The following EPB41L5 variants were observed in gnomAD, a reference collection of about 807,000 sequenced individuals.
EPB41L5 encodes the protein erythrocyte membrane protein band 4.1 like 5.
Under a neutral mutation model 106.6 loss-of-function variants are expected in EPB41L5, and 55 were observed. The observed-to-expected ratio is 0.52, with a 90% confidence interval of 0.42 to 0.65. The LOEUF is 0.65. Ranked by LOEUF, EPB41L5 falls within the 30% of genes least tolerant of loss-of-function variation. The pLI, the probability that EPB41L5 is intolerant of heterozygous loss-of-function variation, is 0.00. For synonymous variants in EPB41L5, 297 were observed against 306.7 expected, an observed-to-expected ratio of 0.97 and a Z score of 0.33; for missense variants, 871 against 882.1, an observed-to-expected ratio of 0.99 and a Z score of 0.16.
At chr2:120,154,912 C>T (rs1286373808) in intron 20 of EPB41L5, among the ~76,000 whole-genome samples, 2 of 151,800 alleles carry the variant, frequency 1.3e-5, no homozygotes, top group East Asian at 3.9e-4. Context: ...GGCGACAGAG[C>T]AAGACTCCAT....
intron 16 of EPB41L5, among the ~76,000 whole-genome samples, chr2:120,111,956 G>A (rs1684747052): frequency 6.6e-6 from 1 of 152,044 alleles, no homozygotes; most frequent in East Asian, 1.9e-4. Context: ...CAGGATCTTT[G>A]TACTTTTACT....
chr2:120,118,131 T>C (rs1340617928), intron 16 of EPB41L5, among the ~76,000 whole-genome samples: 2 of 152,170 alleles, frequency 1.3e-5, no homozygotes, highest in Non-Finnish European at 2.9e-5. Flanking sequence ...CAGCACTGTA[T>C]GGGTTAATTT....
chr2:120,080,000 A>C (rs1162817862), intron 10 of EPB41L5, among the ~76,000 whole-genome samples: 1 of 152,200 alleles, frequency 6.6e-6, no homozygotes, highest in South Asian at 2.1e-4. Context: ...TTGAATGCTT[A>C]AATGCCTTAA....
At chr2:120,173,945 C>T (rs140755028) in intron 24 of EPB41L5, among the ~76,000 whole-genome samples, 1 of 152,336 alleles carries the variant, frequency 6.6e-6, no homozygotes, top group East Asian at 1.9e-4. Context: ...TCACTAAGTG[C>T]TGGGATTGCA....
In EPB41L5 at chr2:120,090,522, T is replaced by C. The variant is rs1683339067; in HGVS notation, c.1043+6T>C. 3 of 1,605,702 alleles carry C rather than the reference T, an allele frequency of 1.9e-6. No homozygotes were observed. The Admixed American group carries it at 5.2e-5, about 28-fold the overall frequency. On this transcript the variant is annotated splice_donor_region_variant and intron_variant, in intron 12 of 24. Transcript: ENST00000263713. Reference sequence around the variant, plus strand: ...GGATCACGATTTAGATATAGGTTAATTTTAATTGCTGTTTTATCTGTCTTT... The same window carrying C: ...GGATCACGATTTAGATATAGGTTAACTTTAATTGCTGTTTTATCTGTCTTT...
intron 17 of EPB41L5, among the ~76,000 whole-genome samples, chr2:120,129,023 G>T (rs992248160): frequency 6.6e-6 from 1 of 152,144 alleles, no homozygotes; most frequent in African/African-American, 2.4e-5. Flanking sequence ...AGACACTGAG[G>T]ATTCCTAAAG....
intron 16 of EPB41L5, among the ~76,000 whole-genome samples, chr2:120,125,950 A>G (rs1375555110): frequency 6.6e-6 from 1 of 152,090 alleles, no homozygotes; most frequent in Non-Finnish European, 1.5e-5. Context: ...GTTTGCTGGC[A>G]GTCTTTGGTG....
chr2:120,052,617 G>A (rs1387955346), intron 3 of EPB41L5, among the ~76,000 whole-genome samples: 2 of 152,122 alleles, frequency 1.3e-5, no homozygotes, highest in African/African-American at 4.8e-5. Flanking sequence ...TCCCACGTAT[G>A]GTCAATGGGA....
chr2:120,051,933 T>A (rs1680316552), intron 3 of EPB41L5, among the ~76,000 whole-genome samples: 1 of 152,160 alleles, frequency 6.6e-6, no homozygotes, highest in Non-Finnish European at 1.5e-5. Context: ...TTCAAGTGAT[T>A]CTTCTGCTTC....
chr2:120,051,436 G>A (rs1177025786), intron 3 of EPB41L5, among the ~76,000 whole-genome samples: 6 of 152,208 alleles, frequency 3.9e-5, no homozygotes, highest in Admixed American at 2.6e-4. Flanking sequence ...GGATCTGTGA[G>A]CGTGGGACCC....
intron 16 of EPB41L5, among the ~76,000 whole-genome samples, chr2:120,112,700 T>G (rs1399831176): frequency 6.6e-6 from 1 of 152,184 alleles, no homozygotes; most frequent in African/African-American, 2.4e-5. Context: ...CCAGGAATGA[T>G]GAATCAGGTT....
intron 14 of EPB41L5, among the ~76,000 whole-genome samples, chr2:120,099,341 T>C (rs1394290812): frequency 6.9e-6 from 1 of 144,976 alleles, no homozygotes; most frequent in African/African-American, 2.5e-5. Flanking sequence ...CTGTAGTTTC[T>C]GGGTTTTTTT....
At chr2:120,050,473 A>G (rs1680157029) in intron 3 of EPB41L5, among the ~76,000 whole-genome samples, 1 of 152,204 alleles carries the variant, frequency 6.6e-6, no homozygotes, top group Non-Finnish European at 1.5e-5. Context: ...TTGTGCATGC[A>G]TCACGTCATT....
In EPB41L5 at chr2:120,147,397, C is replaced by T. The variant is rs140112621; in HGVS notation, c.1793+1108C>T. On this transcript the variant is annotated intron_variant, in intron 20 of 24. Coordinates refer to ENST00000263713, the MANE Select transcript of EPB41L5 (RefSeq NM_020909.4). Reference sequence around the variant, plus strand: ...GTGGCTCACGCCTGTAGTCCCAGCACTTTGGATCGCCTGAGGTCATGAATT... The same window carrying T: ...GTGGCTCACGCCTGTAGTCCCAGCATTTTGGATCGCCTGAGGTCATGAATT... 3.4e-3 allele frequency among the ~76,000 whole-genome samples: 517 copies of T among 151,990 alleles called. 4 individuals are homozygous for T. Among genetic ancestry groups the T allele is most frequent in the African/African-American group, 0.012 (486 of 41,480 alleles).
intron 2 of EPB41L5, among the ~76,000 whole-genome samples, chr2:120,032,908 A>G (rs1678808339): frequency 6.6e-6 from 1 of 152,240 alleles, no homozygotes; most frequent in Non-Finnish European, 1.5e-5. Flanking sequence ...TCATCTGTAT[A>G]ACTAACATCT....
At chr2:120,020,373 G>A (rs956407957) in intron 2 of EPB41L5, among the ~76,000 whole-genome samples, 4 of 152,062 alleles carry the variant, frequency 2.6e-5, no homozygotes, top group African/African-American at 9.7e-5. Flanking sequence ...TAATAATTTG[G>A]AATGTATTAG....
At chr2:120,045,687 C>A (rs1336600172) in intron 3 of EPB41L5, among the ~76,000 whole-genome samples, 4 of 151,894 alleles carry the variant, frequency 2.6e-5, no homozygotes, top group African/African-American at 9.7e-5. Flanking sequence ...TATTATTATA[C>A]TTTAAGTTCT....
intron 13 of EPB41L5, among the ~76,000 whole-genome samples, chr2:120,092,139 A>G (rs1479747423): frequency 1.3e-5 from 2 of 151,896 alleles, no homozygotes; most frequent in Non-Finnish European, 1.5e-5. Context: ...AGTGATTCTC[A>G]TGTCTCAGCC....
At chr2:120,151,895 G>C (rs1416416038) in intron 20 of EPB41L5, among the ~76,000 whole-genome samples, 2 of 152,166 alleles carry the variant, frequency 1.3e-5, no homozygotes, top group Non-Finnish European at 2.9e-5. Flanking sequence ...GAGATGACAA[G>C]TGTGAGCCAC....
Sources: gnomAD v4.1 joint callset for allele counts (sites outside exome capture counted in the v4.1 genomes callset) on GRCh38, gnomAD v4.1.1 for gene constraint, MANE v1.5 for transcripts, NCBI Gene and HGNC (gene_info 2026-07-23, HGNC 2026-07-21) for gene names.